Variants in TBX19 observed in about 807,000 individuals in gnomAD.
TBX19 encodes T-box transcription factor TBX19.
TBX19 carries 33 observed loss-of-function variants against 40.9 expected under a neutral mutation model. The observed-to-expected ratio is 0.81, with a 90% CI of 0.61 to 1.08. The LOEUF (loss-of-function observed/expected upper bound fraction) is 1.08, where lower values mean the gene tolerates loss of function less well. Among genes scored for constraint, TBX19 ranks in the 50% least tolerant of loss-of-function variants. TBX19 has a pLI of 0.00. For synonymous variants in TBX19, 220 were observed against 225.0 expected (o/e 0.98, Z 0.20); for missense variants, 494 against 574.0 (o/e 0.86, Z 1.42).
At chr1:168,281,393 C>G (rs553912334) in intron 1 of TBX19, 100 bp downstream of exon 1, 1 of 1,134,976 alleles carries the variant, frequency 8.8e-7, no homozygotes, top group African/African-American at 1.5e-5. Context: ...TCAGAGGCGG[C>G]GGGATCTGAT....
chr1:168,308,138 T>C (rs1372558003), intron 6 of TBX19: 2 of 135,218 alleles, frequency 1.5e-5, no homozygotes, highest in Admixed American at 7.8e-5. Flanking sequence ...GTATGTTTTT[T>C]TCTTAATTTT....
At chr1:168,293,387 G>T in intron 3 of TBX19, 109 bp downstream of exon 3, 1 of 1,382,054 alleles carries the variant, frequency 7.2e-7, no homozygotes, top group South Asian at 1.3e-5. Context: ...ATGAAAGGTA[G>T]GTTTTCCAGG....
Position 168,312,783 on chromosome 1 carries a change from C to A in TBX19, c.1128C>A (p.Ser376Arg). The A allele has an allele frequency of 6.2e-7, 1 of 1,614,256 alleles. No individual in the cohort carries two copies. Among genetic ancestry groups the A allele is most frequent in the Non-Finnish European group, 8.5e-7 (1 of 1,180,044 alleles). ...GGCCAGGCCCGGAGGTGCACGCCAG[C>A]ACCCCAGGAGCATTTCTCCTCGGAA... ...PSGPGPEVHA[S>R]TPGAFLLGNP... The change falls in exon 8 of 8, where the codon AGC (serine) becomes AGA (arginine). Residue 376 changes from serine to arginine, a missense_variant. Coordinates refer to ENST00000367821, the MANE Select transcript of TBX19 (RefSeq NM_005149.3).
rs779385699 is a variant in TBX19, at chr1:168,313,046, T to C, written c.*44T>C. The stretch of plus-strand genomic sequence containing the variant: ...CTTTGCACAGCGATCCTTCCATGTG[T>C]AGAGTGCTTAGAAACCCCATCAACT... On this transcript the variant is annotated 3_prime_UTR_variant, in exon 8 of 8. Transcript: ENST00000367821. 115 of 1,609,640 alleles carry C rather than the reference T, an allele frequency of 7.1e-5. No individual in the cohort carries two copies. The South Asian group carries it at 1.0e-3, about 14-fold the overall frequency.
intron 1 of TBX19, among the ~76,000 whole-genome samples, chr1:168,282,239 A>G (rs952959899): frequency 6.6e-6 from 1 of 152,174 alleles, no homozygotes; most frequent in Non-Finnish European, 1.5e-5. Flanking sequence ...AAAAGAGAAG[A>G]GCCGAGGCCA....
rs148222296 is a variant in TBX19, at chr1:168,291,286, C to T, written c.330C>T (p.Pro110=). The T allele has an allele frequency of 2.4e-5, 38 of 1,614,114 alleles. No homozygotes were observed. The highest frequency in any genetic ancestry group is 5.0e-5 in the Admixed American group (3 of 60,012). ...RWKYVNGEWV[P]AGKPEVSSHS... ...AGTACGTCAACGGGGAATGGGTGCC[C>T]GCTGGCAAGCCAGAGGTCTCCAGCC... is the stretch of plus-strand genomic sequence containing the variant. The change falls in exon 2 of 8, where the codon CCC becomes CCT. Residue 110 remains proline, a synonymous_variant. Transcript: ENST00000367821.
rs1214920916 is a variant in TBX19 at position 168,307,743 on chromosome 1, A to G, written c.917-999A>G. On this transcript the variant is annotated intron_variant, in intron 6 of 7. Coordinates refer to ENST00000367821, the MANE Select transcript of TBX19 (RefSeq NM_005149.3). ...TGGAAGACATTCTTCCCCCACCCCC[A>G]TAAAAACTGTATATATTCAAGGTGT... Among the ~76,000 whole-genome samples the G allele has an allele frequency of 2.6e-5, 4 of 152,074 alleles. No homozygotes were observed. In the East Asian group the frequency reaches 5.8e-4, roughly 22 times the overall value.
Position 168,281,166 on chromosome 1 carries a change from G to A in TBX19, c.76G>A (p.Glu26Lys). The part of the protein sequence containing the change: ...VSHLLNVVES[E>K]LQAGREKGDP... ...TCATCTGCTCAATGTGGTGGAGAGT[G>A]AGCTTCAGGCAGGGAGGGAAAAAGG... Residue 26 changes from glutamate (E) to lysine (K), a missense_variant, in exon 1 of 8, where the codon GAG becomes AAG. Coordinates refer to ENST00000367821, the MANE Select transcript of TBX19 (RefSeq NM_005149.3). The A allele has an allele frequency of 6.2e-7, 1 of 1,614,160 alleles. No homozygotes were observed. Among genetic ancestry groups the A allele is most frequent in the Non-Finnish European group, 8.5e-7 (1 of 1,180,010 alleles).
chr1:168,293,114 TC>T, intron 2 of TBX19, 29 bp from the exon 3 acceptor site: 1 of 1,612,684 alleles, frequency 6.2e-7, no homozygotes, highest in South Asian at 1.1e-5. Context: ...GCTTTGCTTT[TC>T]TCCTCTTTCT....
At chr1:168,288,691 ATATAT>A (rs1379643547) in intron 1 of TBX19, among the ~76,000 whole-genome samples, 1 of 152,144 alleles carries the variant, frequency 6.6e-6, no homozygotes, top group Non-Finnish European at 1.5e-5. Flanking sequence ...TGCATGAGTA[ATATAT>A]TATATGTTTT....
intron 3 of TBX19, among the ~76,000 whole-genome samples, chr1:168,294,338 C>G (rs1572476721): frequency 6.9e-6 from 1 of 145,658 alleles, no homozygotes; most frequent in Non-Finnish European, 1.5e-5. Context: ...CAACTGTTTT[C>G]TTTTTTTTTT....
At chr1:168,301,965 T>C (rs1649283790) in intron 5 of TBX19, among the ~76,000 whole-genome samples, 1 of 152,214 alleles carries the variant, frequency 6.6e-6, no homozygotes, top group Non-Finnish European at 1.5e-5. Flanking sequence ...TTTGCATGCC[T>C]CACATAACTC....
intron 4 of TBX19, among the ~76,000 whole-genome samples, chr1:168,299,158 C>T (rs576939238): frequency 1.3e-5 from 2 of 151,744 alleles, no homozygotes; most frequent in Admixed American, 1.3e-4. Context: ...GACCTCAGGT[C>T]ATCCACTCGC....
chr1:168,309,024 G>A, intron 7 of TBX19, 147 bp downstream of exon 7: 1 of 1,153,588 alleles, frequency 8.7e-7, no homozygotes, highest in South Asian at 1.3e-5. Flanking sequence ...GGTGGCAACA[G>A]GGTGGAGTTC....
chr1:168,300,379 T>C (rs1471432027), intron 4 of TBX19, 43 bp from the exon 5 acceptor site: 3 of 1,598,462 alleles, frequency 1.9e-6, no homozygotes, highest in South Asian at 1.1e-5. Context: ...TGGACATACA[T>C]AAAAAGTTGG....
chr1:168,291,097 C>T (rs780046501), intron 1 of TBX19, 63 bp from the exon 2 acceptor site: 47 of 1,611,660 alleles, frequency 2.9e-5, no homozygotes, highest in Non-Finnish European at 3.9e-5. Flanking sequence ...TGAGAGGCCC[C>T]TGGACAAGGT....
chr1:168,293,839 C>T (rs560755284), intron 3 of TBX19, among the ~76,000 whole-genome samples: 85 of 152,156 alleles, frequency 5.6e-4, no homozygotes, highest in Admixed American at 1.2e-3. Flanking sequence ...GCTTTGGGTC[C>T]GTTCACATGA....
intron 6 of TBX19, among the ~76,000 whole-genome samples, chr1:168,306,889 C>G (rs932916705): frequency 1.3e-5 from 2 of 152,146 alleles, no homozygotes; most frequent in African/African-American, 4.8e-5. Context: ...AAAAGAGCAG[C>G]TAGATATGCC....
intron 6 of TBX19, 82 bp downstream of exon 6, chr1:168,305,278 A>C (rs79224450): frequency 3.7e-6 from 5 of 1,359,898 alleles, no homozygotes; most frequent in Non-Finnish European, 4.2e-6. Flanking sequence ...AGCTAGGAAA[A>C]GGAGTAGCTA....
Sources: gnomAD v4.1 joint callset for allele counts (sites outside exome capture counted in the v4.1 genomes callset) on GRCh38, gnomAD v4.1.1 for gene constraint, MANE v1.5 for transcripts, NCBI Gene and HGNC (gene_info 2026-07-23, HGNC 2026-07-21) for gene names.